STK36: variants seen among roughly 807,000 people sequenced by gnomAD.
The protein encoded by STK36 is serine/threonine kinase 36.
STK36 carries 116 observed loss-of-function variants against 142.2 expected under a neutral mutation model. That is an observed-to-expected ratio of 0.82 (90% CI 0.70 to 0.95). The LOEUF (loss-of-function observed/expected upper bound fraction) is 0.95. Among genes scored for constraint, STK36 ranks in the 40% least tolerant of loss-of-function variants. The pLI is 0.00. For missense variants in STK36, 1,422 were observed against 1,617.2 expected, an observed-to-expected ratio of 0.88 and a Z score of 2.07; for synonymous variants, 619 against 641.7, an observed-to-expected ratio of 0.96 and a Z score of 0.53.
At chr2:218,683,452 T>G (rs1940627560) in intron 10 of STK36, among the ~76,000 whole-genome samples, 1 of 152,066 alleles carries the variant, frequency 6.6e-6, no homozygotes, top group Non-Finnish European at 1.5e-5. Flanking sequence ...TTTTTGTATT[T>G]TTAGTAGAGA....
chr2:218,690,718 T>G (rs1940967830), intron 14 of STK36, among the ~76,000 whole-genome samples, 163 bp downstream of exon 14: 1 of 152,188 alleles, frequency 6.6e-6, no homozygotes, highest in Non-Finnish European at 1.5e-5. Flanking sequence ...AGTGCCTGCC[T>G]TCAAGGGACT....
Position 218,679,281 on chromosome 2 carries a change from A to G in STK36, c.778+20A>G. On this transcript the variant is annotated intron_variant, in intron 7 of 26. Transcript: ENST00000295709. ...TCACCAGTGAGTCATCAGGGTTCCC[A>G]GGGCTCTTGGACTTCCCAGTACTTC... 2 of 1,612,282 alleles carry G rather than the reference A, an allele frequency of 1.2e-6. No individual in the cohort carries two copies. Among genetic ancestry groups the G allele is most frequent in the Non-Finnish European group, 1.7e-6 (2 of 1,178,428 alleles).
chr2:218,675,357 T>A lies in STK36; in HGVS notation c.318T>A (p.Ala106=). 6.2e-7 allele frequency: 1 copy of A among 1,613,410 alleles called. No individual in the cohort carries two copies. Among genetic ancestry groups the A allele is most frequent in the South Asian group, 1.1e-5 (1 of 90,940 alleles). ...TTAATTTCTAGGTTCAGGCCATTGC[T>A]GCCCAGTTGGTGTCAGCCCTGTACT... ...KLPEDQVQAI[A]AQLVSALYYL... The change falls in exon 5 of 27, where the codon GCT becomes GCA. Residue 106 remains alanine, a synonymous_variant. Coordinates refer to ENST00000295709, the MANE Select transcript of STK36 (RefSeq NM_015690.5).
Position 218,693,339 on chromosome 2 carries a change from C to T in STK36, c.2143C>T (p.Leu715Phe), listed in dbSNP as rs965046258. The change falls in exon 17 of 27, where the codon CTC (leucine) becomes TTC (phenylalanine). Residue 715 changes from leucine to phenylalanine, a missense_variant. By Grantham distance (22) the Leu-to-Phe change is conservative. This residue lies in a region of STK36 where 962 missense variants were observed against 1,167.5 expected (regional missense o/e 0.82). Transcript: ENST00000295709. The stretch of plus-strand genomic sequence containing the variant: ...GCATCCCATCCTGTGCCTGCACCTT[C>T]TCAAGGTAATCCTCTTAACTCCTGG... ...LQHPILCLHL[L>F]KVLYSCCLVS... is the part of the protein sequence containing the mutation. 6.2e-7 allele frequency: 1 copy of T among 1,614,006 alleles called. No individual in the cohort carries two copies. Among genetic ancestry groups the T allele is most frequent in the Non-Finnish European group, 8.5e-7 (1 of 1,179,898 alleles).
chr2:218,676,040 C>G lies in STK36; in HGVS notation c.446C>G (p.Ala149Gly). Reference protein sequence around the residue: ...IKLCDFGFARAMSTNTMVLTS... With the variant: ...IKLCDFGFARGMSTNTMVLTS... ...ATTATCTTCTGCAGATTTGCCCGGG[C>G]TATGAGCACCAATACAATGGTGCTG... The change falls in exon 6 of 27, where the codon GCT becomes GGT. Residue 149 changes from alanine (A) to glycine (G), a missense_variant. This residue lies in a region of STK36 where 460 missense variants were observed against 449.6 expected (regional missense o/e 1.02). Coordinates refer to ENST00000295709, the MANE Select transcript of STK36 (RefSeq NM_015690.5). The G allele has an allele frequency of 6.2e-7, 1 of 1,613,974 alleles. No homozygotes were observed. The highest frequency in any genetic ancestry group is 8.5e-7 in the Non-Finnish European group (1 of 1,179,922).
At chr2:218,673,192 A>C (rs1296292328) in intron 2 of STK36, 1 of 418,060 alleles carries the variant, frequency 2.4e-6, no homozygotes, top group Non-Finnish European at 4.3e-6. Context: ...TGATTGATGG[A>C]GTTTGAGGAT....
At chr2:218,696,626 G>C (rs745633814) in intron 22 of STK36, 25 bp downstream of exon 22, 3 of 1,611,622 alleles carry the variant, frequency 1.9e-6, no homozygotes, top group Non-Finnish European at 2.5e-6. Flanking sequence ...TGGGATGGAT[G>C]GGAAGTAAAG....
chr2:218,677,198 G>T (rs779131026), intron 6 of STK36, among the ~76,000 whole-genome samples: 5 of 152,230 alleles, frequency 3.3e-5, no homozygotes, highest in Admixed American at 6.5e-5. Context: ...CTCCCAAAGT[G>T]CTGGGATCAT....
chr2:218,675,389 A>C lies in STK36; in HGVS notation c.350A>C (p.His117Pro), dbSNP rs773263164. 5 of 1,611,566 alleles carry C rather than the reference A, an allele frequency of 3.1e-6. No homozygotes were observed. The African/African-American group carries it at 5.4e-5, about 17-fold the overall frequency. ...AQLVSALYYL[H>P]SHRILHRDMK... ...TTGGTGTCAGCCCTGTACTATCTGCATTCCCACCGCATCCTACACCGAGAT... is the reference window on the plus strand; with the variant it reads ...TTGGTGTCAGCCCTGTACTATCTGCCTTCCCACCGCATCCTACACCGAGAT... The change falls in exon 5 of 27, where the codon CAT becomes CCT. Residue 117 changes from histidine (H) to proline (P), a missense_variant. Around this residue, in one of 2 missense-constraint regions of STK36, gnomAD observed 460 missense variants for 449.6 expected, o/e 1.02. Transcript: ENST00000295709.
chr2:218,675,245 G>T (rs1191149920), intron 4 of STK36, 98 bp from the exon 5 acceptor site: 2 of 1,327,658 alleles, frequency 1.5e-6, no homozygotes, highest in Admixed American at 4.4e-5. Context: ...AGGGAAGGAA[G>T]AAAAGATTAG....
chr2:218,680,494 A>G (rs925299485), intron 9 of STK36, 109 bp from the exon 10 acceptor site: 1 of 885,104 alleles, frequency 1.1e-6, no homozygotes, highest in Admixed American at 2.2e-5. Flanking sequence ...AGTCAATCCT[A>G]TATGGCTTCT....
rs369010454 is a variant in STK36 at position 218,693,928 on chromosome 2, G to T, written c.2281G>T (p.Val761Leu). ...AGTAGATTGGGAAGAGTCTACTGAA[G>T]TGACACTCTACTTCCTCTCCCTTCT... is the stretch of plus-strand genomic sequence containing the variant. ...KVVDWEESTEVTLYFLSLLVF... is the reference protein window; with the variant it reads ...KVVDWEESTELTLYFLSLLVF... The change falls in exon 19 of 27, where the codon GTG (valine) becomes TTG (leucine). Residue 761 changes from valine to leucine, a missense_variant. Around this residue, in one of 2 missense-constraint regions of STK36, gnomAD observed 962 missense variants for 1,167.5 expected, o/e 0.82. Transcript: ENST00000295709. The T allele has an allele frequency of 3.1e-6, 5 of 1,614,144 alleles. No homozygotes were observed. Among genetic ancestry groups the T allele is most frequent in the Admixed American group, 1.7e-5 (1 of 60,014 alleles).
chr2:218,699,359 C>T lies in STK36; in HGVS notation c.3804+11C>T, dbSNP rs551839635. ...CCTGGCATCCATCAGGTATACCCTACAGCACTTATGAACCATGATGATCAG... is the reference window on the plus strand; with the variant it reads ...CCTGGCATCCATCAGGTATACCCTATAGCACTTATGAACCATGATGATCAG... On this transcript the variant is annotated intron_variant, in intron 26 of 26. Coordinates refer to ENST00000295709, the MANE Select transcript of STK36 (RefSeq NM_015690.5). The T allele has an allele frequency of 4.3e-6, 7 of 1,610,194 alleles. No homozygotes were observed. The Admixed American group carries it at 6.7e-5, about 16-fold the overall frequency.
At chr2:218,698,143 C>T in intron 25 of STK36, 142 bp downstream of exon 25, 2 of 1,189,984 alleles carry the variant, frequency 1.7e-6, no homozygotes, top group South Asian at 2.9e-5. Context: ...GGCGTGGAGA[C>T]AGTACTCAGA....
intron 4 of STK36, among the ~76,000 whole-genome samples, chr2:218,674,188 C>T (rs77792078): frequency 0.026 from 4,010 of 152,204 alleles, 173 homozygotes; most frequent in African/African-American, 0.092. Context: ...TCTCATTGGA[C>T]AAGTTACTTT....
intron 14 of STK36, among the ~76,000 whole-genome samples, chr2:218,691,520 G>C (rs993797277): frequency 6.6e-6 from 1 of 152,066 alleles, no homozygotes; most frequent in Non-Finnish European, 1.5e-5. Context: ...GTAGGACTGA[G>C]TTGGGAGGGA....
intron 21 of STK36, among the ~76,000 whole-genome samples, chr2:218,696,279 G>T (rs1040319299): frequency 6.6e-6 from 1 of 152,180 alleles, no homozygotes; most frequent in Non-Finnish European, 1.5e-5. Context: ...CCTTCAGAGA[G>T]GTTGTATCAC....
rs909984390 is a variant in STK36, at chr2:218,697,595, A to G, written c.2894A>G (p.Asn965Ser). 2 of 1,614,214 alleles carry G rather than the reference A, an allele frequency of 1.2e-6. No homozygotes were observed. The highest frequency in any genetic ancestry group is 1.7e-6 in the Non-Finnish European group (2 of 1,180,028). Reference protein sequence around the residue: ...LKHLLCPSFLNQLRQAPHGSE... With the variant: ...LKHLLCPSFLSQLRQAPHGSE... The stretch of plus-strand genomic sequence containing the variant: ...CATCTGCTTTGCCCCAGCTTCCTGA[A>G]TCAACTGCGCCAGGCGTGAGTTTGA... The change falls in exon 24 of 27, where the codon AAT becomes AGT. Residue 965 changes from asparagine to serine, a missense_variant. This residue lies in a region of STK36 where 962 missense variants were observed against 1,167.5 expected (regional missense o/e 0.82). Coordinates refer to ENST00000295709, the MANE Select transcript of STK36 (RefSeq NM_015690.5).
intron 24 of STK36, 44 bp downstream of exon 24, chr2:218,697,654 G>A (rs1284931103): frequency 1.9e-6 from 3 of 1,609,728 alleles, no homozygotes; most frequent in African/African-American, 1.3e-5. Flanking sequence ...GCAACGGGGA[G>A]GGAGAAAGAA....
Sources: gnomAD v4.1 joint callset for allele counts (sites outside exome capture counted in the v4.1 genomes callset) on GRCh38, gnomAD v4.1.1 for gene constraint, gnomAD v4.1.1 regional missense constraint, MANE v1.5 for transcripts, NCBI Gene and HGNC (gene_info 2026-07-23, HGNC 2026-07-21) for gene names.